COL11A2: variants seen among roughly 807,000 people sequenced by gnomAD.
The protein encoded by COL11A2 is collagen alpha-2(XI) chain.
In COL11A2, 116 loss-of-function variants were observed where a neutral mutation model predicts 273.4. The ratio of observed to expected loss-of-function variants is 0.42; its 90% CI spans 0.36 to 0.49. COL11A2 has a LOEUF of 0.49. Ranked by LOEUF, COL11A2 falls within the 20% of genes least tolerant of loss-of-function variation. The pLI is 0.00. For synonymous variants in COL11A2, 782 were observed against 864.2 expected, an observed-to-expected ratio of 0.90 and a Z score of 1.67; for missense variants, 1,866 against 2,309.0, an observed-to-expected ratio of 0.81 and a Z score of 3.93.
rs772151399 is a variant in COL11A2 at position 33,171,702 on chromosome 6, C to T, written c.3150+11G>A. 1.2e-6 allele frequency: 2 copies of T among 1,612,220 alleles called. No homozygotes were observed. Among genetic ancestry groups the T allele is most frequent in the Non-Finnish European group, 1.7e-6 (2 of 1,179,522 alleles). ...CTCCCCAGTACCCCTCCCCAATACCCCCACACTCACTGGGACACCTTTCTC... is the reference window on the plus strand; with the variant it reads ...CTCCCCAGTACCCCTCCCCAATACCTCCACACTCACTGGGACACCTTTCTC... On this transcript the variant is annotated intron_variant, in intron 42 of 65. Coordinates refer to ENST00000341947, the MANE Select transcript of COL11A2 (RefSeq NM_080680.3).
rs1282428701 is a variant in COL11A2, at chr6:33,166,519, G to A, written c.4386C>T (p.Gly1462=). 1 of 1,613,534 alleles carries A rather than the reference G, an allele frequency of 6.2e-7. No homozygotes were observed. The highest frequency in any genetic ancestry group is 1.3e-5 in the African/African-American group (1 of 74,834). Residue 1462 remains glycine, a synonymous_variant, in exon 60 of 66, where the codon GGC becomes GGT. Transcript: ENST00000341947. This position sits in a 1 kb window ranked among gnomAD's most constrained non-coding sequence, Gnocchi z 4.8. Reference sequence around the variant, plus strand: ...GAACAGAGGCAGTACTCACGGGGAGGCCGGGGGGACCTCCAGGACCAATGG... The same window carrying A: ...GAACAGAGGCAGTACTCACGGGGAGACCGGGGGGACCTCCAGGACCAATGG... ...SGPIGPGGPP[G]LPGPAGPKGA... is the part of the protein sequence containing the mutation.
At chr6:33,171,222 A>C (rs1288111640) in intron 44 of COL11A2, 49 bp downstream of exon 44, 2 of 1,614,016 alleles carry the variant, frequency 1.2e-6, no homozygotes, top group Non-Finnish European at 1.7e-6. Flanking sequence ...ATCAGGTGGG[A>C]CTGAGGTTAA....
rs750474953 is a variant in COL11A2, at chr6:33,186,609, T to C, written c.798+18A>G. On this transcript the variant is annotated intron_variant, in intron 5 of 65. Transcript: ENST00000341947. ...CTCTGGGGTGTGCTGCACTTGGGGG[T>C]TCTCCCAGCTCCCTCACCTGGCTCT... 2 of 1,613,846 alleles carry C rather than the reference T, an allele frequency of 1.2e-6. No homozygotes were observed. Among genetic ancestry groups the C allele is most frequent in the South Asian group, 1.1e-5 (1 of 91,058 alleles).
In COL11A2 at chr6:33,169,972, C is replaced by A. The variant is rs1318238550; in HGVS notation, c.3636+75G>T. 4.3e-6 allele frequency: 7 copies of A among 1,612,640 alleles called. No homozygotes were observed. In the East Asian group the frequency reaches 1.6e-4, roughly 36 times the overall value. On this transcript the variant is annotated intron_variant, in intron 49 of 65. Coordinates refer to ENST00000341947, the MANE Select transcript of COL11A2 (RefSeq NM_080680.3). The surrounding 1 kb of genome is among the most constrained non-coding windows in gnomAD (Gnocchi z 5.5). Reference sequence around the variant, plus strand: ...CCACATCTCATTCTCTTTTGTCTCCCCACCCAAAATTGGCAGAAATCCAAC... The same window carrying A: ...CCACATCTCATTCTCTTTTGTCTCCACACCCAAAATTGGCAGAAATCCAAC...
intron 38 of COL11A2, 77 bp from the exon 39 acceptor site, chr6:33,172,714 C>T (rs1429405508): frequency 8.0e-7 from 1 of 1,251,706 alleles, no homozygotes; most frequent in East Asian, 2.4e-5. Flanking sequence ...CCCTGGCCAC[C>T]CTAAAACACT....
rs960703006 is a variant in COL11A2 at position 33,175,757 on chromosome 6, G to A, written c.2269-76C>T. 23 of 1,412,956 alleles carry A rather than the reference G, an allele frequency of 1.6e-5. No individual in the cohort carries two copies. The East Asian group carries it at 4.6e-4, about 28-fold the overall frequency. 87.5% of individuals were successfully genotyped at this position (1,412,956 alleles called of 1,614,324 possible). On this transcript the variant is annotated intron_variant, in intron 29 of 65. Transcript: ENST00000341947. ...GGGCCCAGAGGAGAAATGGGCAACA[G>A]TGAGGCTGAGGAGGGCTAGAGGGGT...
At chr6:33,172,466 C>T in intron 39 of COL11A2, 64 bp downstream of exon 39, 1 of 1,573,318 alleles carries the variant, frequency 6.4e-7, no homozygotes, top group Non-Finnish European at 8.7e-7. Flanking sequence ...CTCCAACTAC[C>T]TGTTCCTTTC....
chr6:33,180,293 C>A lies in COL11A2; in HGVS notation c.1324G>T (p.Ala442Ser), dbSNP rs1447074174. 1 of 1,612,962 alleles carries A rather than the reference C, an allele frequency of 6.2e-7. No homozygotes were observed. Among genetic ancestry groups the A allele is most frequent in the Admixed American group, 1.7e-5 (1 of 60,030 alleles). The change falls in exon 12 of 66, where the codon GCT becomes TCT. Residue 442 changes from alanine (A) to serine (S), a missense_variant. Transcript: ENST00000341947. ...AGAGATGTGCCAGGAGGACCAGGAGCCCCATCTGATCCAGGGAGCCCTGCT... is the reference window on the plus strand; with the variant it reads ...AGAGATGTGCCAGGAGGACCAGGAGACCCATCTGATCCAGGGAGCCCTGCT... ...GRAGLPGSDGAPGPPGTSLML... is the reference protein window; with the variant it reads ...GRAGLPGSDGSPGPPGTSLML...
In COL11A2 at chr6:33,181,022, T is replaced by C. The variant is rs751816373; in HGVS notation, c.1180-17A>G. The C allele has an allele frequency of 6.2e-6, 10 of 1,614,130 alleles. No individual in the cohort carries two copies. The highest frequency in any genetic ancestry group is 8.5e-6 in the Non-Finnish European group (10 of 1,180,004). ...GAGCATACCCTGTGGAGTCAAAGGT[T>C]AAAAATCAGAGGCGACAGGACCAGC... On this transcript the variant is annotated splice_polypyrimidine_tract_variant and intron_variant, in intron 9 of 65. Coordinates refer to ENST00000341947, the MANE Select transcript of COL11A2 (RefSeq NM_080680.3).
rs1452358865 is a variant in COL11A2, at chr6:33,163,928, G to A, written c.5071-110C>T. ...CTGAGCACCTTGGCCCCATCAGGGT[G>A]ACTCAGGATGTACAGACTGGCAGTG... On this transcript the variant is annotated intron_variant, in intron 65 of 65. Transcript: ENST00000341947. This position sits in a 1 kb window ranked among gnomAD's most constrained non-coding sequence, Gnocchi z 4.1. 20 of 1,504,862 alleles carry A rather than the reference G, an allele frequency of 1.3e-5. No individual in the cohort carries two copies. The highest frequency in any genetic ancestry group is 1.7e-5 in the Admixed American group (1 of 58,194). The allele number at this position is 1,504,862 out of a possible 1,614,324, so 93.2% of individuals were successfully genotyped here.
Position 33,192,197 on chromosome 6 carries a change from G to A in COL11A2, c.44C>T (p.Pro15Leu). The change falls in exon 1 of 66, where the codon CCT becomes CTT. Residue 15 changes from proline to leucine, a missense_variant. Physicochemically the swap from Pro to Leu is moderately conservative, Grantham distance 98. Transcript: ENST00000341947. The part of the protein sequence containing the change: ...SRCHRLLLLL[P>L]LVLGLSAAPG... ...GGCCGCGCTCAGCCCCAGCACCAGA[G>A]GTAGGAGGAGGAGGAGGCGATGGCA... 3 of 1,566,734 alleles carry A rather than the reference G, an allele frequency of 1.9e-6. No homozygotes were observed. The highest frequency in any genetic ancestry group is 2.6e-6 in the Non-Finnish European group (3 of 1,155,764).
rs755608532 is a variant in COL11A2, at chr6:33,171,620, C to G, written c.3151-46G>C. 6 of 1,602,520 alleles carry G rather than the reference C, an allele frequency of 3.7e-6. No individual in the cohort carries two copies. In the African/African-American group the frequency reaches 8.0e-5, roughly 21 times the overall value. On this transcript the variant is annotated intron_variant, in intron 42 of 65. Coordinates refer to ENST00000341947, the MANE Select transcript of COL11A2 (RefSeq NM_080680.3). ...GTCATGGCCTGGAGGTGACCCTCACCCTCAAACACCCCACAGGAAACTTGT... is the reference window on the plus strand; with the variant it reads ...GTCATGGCCTGGAGGTGACCCTCACGCTCAAACACCCCACAGGAAACTTGT...
At position 33,164,544 on chromosome 6, in the gene COL11A2, GC is replaced by G; in HGVS notation, c.4864-72del. The G allele has an allele frequency of 7.8e-7, 1 of 1,287,202 alleles. No individual in the cohort carries two copies. Among genetic ancestry groups the G allele is most frequent in the Non-Finnish European group, 1.1e-6 (1 of 943,614 alleles). 79.7% of individuals were successfully genotyped at this position (1,287,202 alleles called of 1,614,324 possible). A position where few individuals can be genotyped will look rare whatever the true frequency, so the allele number is the denominator to read the frequency against. On this transcript the variant is annotated intron_variant, in intron 64 of 65. Coordinates refer to ENST00000341947, the MANE Select transcript of COL11A2 (RefSeq NM_080680.3). The surrounding 1 kb of genome is among the most constrained non-coding windows in gnomAD (Gnocchi z 4.7). ...TGGCCTCAGAGGGAGACAGAGACGG[GC>G]CTCAGGAGCATCTACGGCACCAGGA...
Position 33,163,522 on chromosome 6 carries a change from A to C in COL11A2, c.*156T>G. 3 of 1,156,856 alleles carry C rather than the reference A, an allele frequency of 2.6e-6. No individual in the cohort carries two copies. Among genetic ancestry groups the C allele is most frequent in the Non-Finnish European group, 3.8e-6 (3 of 797,428 alleles). 71.7% of individuals were successfully genotyped at this position (1,156,856 alleles called of 1,614,324 possible). On this transcript the variant is annotated 3_prime_UTR_variant, in exon 66 of 66. Transcript: ENST00000341947. The surrounding 1 kb of genome is among the most constrained non-coding windows in gnomAD (Gnocchi z 4.1). ...CGTGGGGTGTCCAGGCAACCACTTC[A>C]CCCCTCCCCTGGCCTGCCCCGACTG...
Position 33,170,605 on chromosome 6 carries a change from C to A in COL11A2, c.3480G>T (p.Leu1160Phe), listed in dbSNP as rs927537693. 1.9e-6 allele frequency: 3 copies of A among 1,612,526 alleles called. No individual in the cohort carries two copies. Among genetic ancestry groups the A allele is most frequent in the South Asian group, 1.1e-5 (1 of 91,068 alleles). Residue 1160 changes from leucine to phenylalanine, a missense_variant, in exon 47 of 66, where the codon TTG becomes TTT. Coordinates refer to ENST00000341947, the MANE Select transcript of COL11A2 (RefSeq NM_080680.3). This position sits in a 1 kb window ranked among gnomAD's most constrained non-coding sequence, Gnocchi z 4.3. Reference protein sequence around the residue: ...GPPGPIGLQGLPGPSGEKGET... With the variant: ...GPPGPIGLQGFPGPSGEKGET... ...CTCCCTTCTCCCCAGAGGGGCCTGG[C>A]AAACCCTGTGCAAGTATACAAAACA...
intron 8 of COL11A2, 24 bp from the exon 9 acceptor site, chr6:33,181,194 C>T: frequency 6.2e-7 from 1 of 1,613,662 alleles, no homozygotes; most frequent in Non-Finnish European, 8.5e-7. Flanking sequence ...ACATGTAGCC[C>T]CCAGTGGGGC....
At chr6:33,180,357 G>A in intron 11 of COL11A2, 25 bp from the exon 12 acceptor site, 1 of 1,594,980 alleles carries the variant, frequency 6.3e-7, no homozygotes, top group Non-Finnish European at 8.6e-7. Context: ...GAATGCAAAA[G>A]ATGGGGTGAA....
chr6:33,166,734 G>A lies in COL11A2; in HGVS notation c.4324C>T (p.Gln1442Ter). The A allele has an allele frequency of 1.2e-6, 2 of 1,613,592 alleles. No homozygotes were observed. Among genetic ancestry groups the A allele is most frequent in the Non-Finnish European group, 1.7e-6 (2 of 1,180,000 alleles). The change falls in exon 59 of 66, where the codon CAG (glutamine) becomes TAG (stop). Residue 1442 changes from glutamine (Q) to a stop codon, truncating the protein, a stop_gained. Coordinates refer to ENST00000341947, the MANE Select transcript of COL11A2 (RefSeq NM_080680.3). LOFTEE classifies it high-confidence loss of function. The surrounding 1 kb of genome is among the most constrained non-coding windows in gnomAD (Gnocchi z 4.8). ...CCTCTACTCACCATCTCACCCTTCT[G>A]CCCAGGGGAGCCCTGAGGCCCAGGA... Reference protein sequence around the residue: ...GLPGPQGSPGQKGEMGIPGAS... With the variant: ...GLPGPQGSPG
At chr6:33,174,831 T>C (rs1770678542) in intron 30 of COL11A2, among the ~76,000 whole-genome samples, 1 of 152,088 alleles carries the variant, frequency 6.6e-6, no homozygotes, top group Admixed American at 6.5e-5. Flanking sequence ...TATCAGGTCC[T>C]TCAGGGTCAC....
Sources: allele counts gnomAD v4.1 joint callset (sites outside exome capture counted in the v4.1 genomes callset), GRCh38; gene constraint gnomAD v4.1.1; non-coding constraint Gnocchi (gnomAD v3.1); transcripts MANE v1.5; gene names NCBI Gene and HGNC (gene_info 2026-07-23, HGNC 2026-07-21).